RBFOX1: variants seen among roughly 807,000 people sequenced by gnomAD.
RBFOX1 encodes RNA binding fox-1 homolog 1.
A neutral mutation model predicts 57.7 loss-of-function variants in RBFOX1; 8 were observed. The ratio of observed to expected loss-of-function variants is 0.14; its 90% CI spans 0.08 to 0.25. RBFOX1 has a LOEUF of 0.25. Ranked by LOEUF, RBFOX1 falls within the 10% of genes least tolerant of loss-of-function variation. RBFOX1 has a pLI of 1.00. For missense variants in RBFOX1, 611 were observed against 548.5 expected (o/e 1.11, Z -1.14); for synonymous variants, 326 against 222.4 (o/e 1.47, Z -4.15).
intron 1 of RBFOX1, among the ~76,000 whole-genome samples, chr16:6,133,189 G>A (rs1004171638): frequency 1.3e-5 from 2 of 152,032 alleles, no homozygotes; most frequent in African/African-American, 4.8e-5. Context: ...TATAAGACAG[G>A]CCATTATATC....
intron 4 of RBFOX1, among the ~76,000 whole-genome samples, chr16:7,130,307 T>C (rs556528806): frequency 2.0e-5 from 3 of 152,310 alleles, no homozygotes; most frequent in Admixed American, 6.5e-5. Flanking sequence ...AGTGCTGAGA[T>C]TGTAGGCATG....
At chr16:6,206,739 C>T (rs1054740329) in intron 1 of RBFOX1, among the ~76,000 whole-genome samples, 1 of 152,204 alleles carries the variant, frequency 6.6e-6, no homozygotes, top group Non-Finnish European at 1.5e-5. Context: ...TTACATCAGA[C>T]TAGCACAATA....
At chr16:7,568,997 C>A (rs1016160874) in intron 5 of RBFOX1, among the ~76,000 whole-genome samples, 8 of 151,810 alleles carry the variant, frequency 5.3e-5, no homozygotes, top group African/African-American at 1.9e-4. Flanking sequence ...CTTTCATTCT[C>A]CTGCCTCTGA....
chr16:7,366,906 C>A (rs897813272), intron 4 of RBFOX1, among the ~76,000 whole-genome samples: 1 of 152,038 alleles, frequency 6.6e-6, no homozygotes, highest in African/African-American at 2.4e-5. Context: ...TTTTCATCCC[C>A]CCAAATCATT....
chr16:5,965,223 A>G (rs2152292601), intron 4 of RBFOX1, among the ~76,000 whole-genome samples: 1 of 152,302 alleles, frequency 6.6e-6, no homozygotes, highest in East Asian at 1.9e-4. Flanking sequence ...TGGAGACCTA[A>G]AATACAGTAT....
chr16:6,608,044 A>G lies in RBFOX1; in HGVS notation c.-63-46559A>G, dbSNP rs572472083. ...TAATATTTTATCTTCTACATCAAAA[A>G]AGTCCTTCATTGTACAGAATTTTGA... On this transcript the variant is annotated intron_variant, in intron 2 of 15. Transcript: ENST00000550418. Among the ~76,000 whole-genome samples the G allele has an allele frequency of 4.6e-5, 7 of 152,300 alleles. No individual in the cohort carries two copies. In the South Asian group the frequency reaches 1.5e-3, roughly 32 times the overall value.
At chr16:6,946,580 C>G (rs1202645217) in intron 3 of RBFOX1, among the ~76,000 whole-genome samples, 2 of 152,044 alleles carry the variant, frequency 1.3e-5, no homozygotes, top group Admixed American at 6.6e-5. Flanking sequence ...ACCTGTTCTC[C>G]AAGAACCTTT....
At chr16:6,966,923 CCA>C (rs2084368909) in intron 3 of RBFOX1, among the ~76,000 whole-genome samples, 2 of 150,142 alleles carry the variant, frequency 1.3e-5, no homozygotes, top group Non-Finnish European at 2.9e-5. Context: ...ATCCATCCAT[CCA>C]TCCATCCATC....
At chr16:6,714,991 G>C (rs898576586) in intron 3 of RBFOX1, among the ~76,000 whole-genome samples, 1 of 152,144 alleles carries the variant, frequency 6.6e-6, no homozygotes, top group African/African-American at 2.4e-5. Flanking sequence ...AGATGGGTAA[G>C]GTGGTCACAG....
intron 2 of RBFOX1, among the ~76,000 whole-genome samples, chr16:6,424,648 T>C (rs2093874672): frequency 1.3e-5 from 1 of 78,566 alleles, no homozygotes; most frequent in South Asian, 4.4e-4. Context: ...GAGATAATTA[T>C]AACTTTGTAA....
chr16:6,521,515 G>T (rs569389095), intron 2 of RBFOX1, among the ~76,000 whole-genome samples: 1 of 124,030 alleles, frequency 8.1e-6, no homozygotes, highest in Non-Finnish European at 1.6e-5. Flanking sequence ...CCTCCCCTTC[G>T]CTTTTCCCTC....
intron 1 of RBFOX1, among the ~76,000 whole-genome samples, chr16:6,260,529 T>A (rs1368300182): frequency 6.6e-6 from 1 of 152,042 alleles, no homozygotes; most frequent in Non-Finnish European, 1.5e-5. Flanking sequence ...TTAAAAGCCA[T>A]TGAGAAATGG....
chr16:5,618,253 C>T (rs2048100007), intron 3 of RBFOX1, among the ~76,000 whole-genome samples: 1 of 152,200 alleles, frequency 6.6e-6, no homozygotes. Flanking sequence ...CATCTGTTTC[C>T]TTTGCTGTGA....
At chr16:7,051,867 G>A (rs2050202359) in intron 3 of RBFOX1, among the ~76,000 whole-genome samples, 190 bp from the exon 4 acceptor site, 1 of 152,090 alleles carries the variant, frequency 6.6e-6, no homozygotes, top group Non-Finnish European at 1.5e-5. Flanking sequence ...TCCTAGCTGT[G>A]CTTCTGAATC....
At chr16:7,528,593 C>G (rs983805190) in intron 5 of RBFOX1, among the ~76,000 whole-genome samples, 1 of 152,160 alleles carries the variant, frequency 6.6e-6, no homozygotes, top group Non-Finnish European at 1.5e-5. Context: ...ATCCTCCTGC[C>G]TCAATAGCAG....
chr16:7,488,161 G>A (rs910385658), intron 4 of RBFOX1, among the ~76,000 whole-genome samples: 10 of 152,122 alleles, frequency 6.6e-5, no homozygotes, highest in African/African-American at 2.4e-4. Flanking sequence ...TGTGATTGAT[G>A]AGCTGGTCCT....
intron 2 of RBFOX1, among the ~76,000 whole-genome samples, chr16:6,440,973 G>T (rs2094365860): frequency 6.6e-6 from 1 of 152,134 alleles, no homozygotes; most frequent in Non-Finnish European, 1.5e-5. Flanking sequence ...TGCGTCTGTG[G>T]AGTGTATGGC....
At chr16:6,367,486 G>A (rs754378503) in intron 2 of RBFOX1, among the ~76,000 whole-genome samples, 1 of 152,054 alleles carries the variant, frequency 6.6e-6, no homozygotes, top group Non-Finnish European at 1.5e-5. Context: ...TGGTCAGGCT[G>A]GCCCCGAACT....
chr16:6,942,659 G>A (rs2078756774), intron 3 of RBFOX1, among the ~76,000 whole-genome samples: 2 of 152,136 alleles, frequency 1.3e-5, no homozygotes. Context: ...ACAGCGAGAA[G>A]GATAAGATGG....
Sources: allele counts gnomAD v4.1 joint callset (sites outside exome capture counted in the v4.1 genomes callset), GRCh38; gene constraint gnomAD v4.1.1; transcripts MANE v1.5; gene names NCBI Gene and HGNC (gene_info 2026-07-23, HGNC 2026-07-21).